Variants in CAPRIN2 observed in about 807,000 individuals in gnomAD.
CAPRIN2 encodes caprin-2.
In CAPRIN2, 66 loss-of-function variants were observed where a neutral mutation model predicts 130.4. That is an observed-to-expected ratio of 0.51 (90% CI 0.42 to 0.62). The LOEUF is 0.62. CAPRIN2 is among the 20% of genes least tolerant of loss of function. The pLI is 0.00. For missense variants in CAPRIN2, 1,185 were observed against 1,246.6 expected (o/e 0.95, Z 0.74); for synonymous variants, 471 against 444.1 (o/e 1.06, Z -0.76).
intron 9 of CAPRIN2, 101 bp from the exon 11 acceptor site, chr12:30,724,552 C>T: frequency 1.3e-6 from 1 of 772,076 alleles, no homozygotes; most frequent in Non-Finnish European, 2.2e-6. Flanking sequence ...CTATTAGCTA[C>T]ACATAAATAT....
At position 30,724,471 on chromosome 12, in the gene CAPRIN2, TAA is replaced by T. The variant is rs773088574; in HGVS notation, c.1906-22_1906-21del. ...AGACTCCTAAAGATATGATTTTAAA[TAA>T]AGAGTGGAAACAGAGATTACTCATT... is the stretch of plus-strand genomic sequence containing the variant. On this transcript the variant is annotated intron_variant, in intron 9 of 16. Transcript: ENST00000298892. The T allele has an allele frequency of 1.3e-6, 2 of 1,500,828 alleles. No homozygotes were observed. The highest frequency in any genetic ancestry group is 1.9e-6 in the Non-Finnish European group (2 of 1,076,742). 93.0% of individuals were successfully genotyped at this position (1,500,828 alleles called of 1,614,324 possible). A position where few individuals can be genotyped will look rare whatever the true frequency, so the allele number is the denominator to read the frequency against.
chr12:30,717,316 T>G (rs2057941175), intron 12 of CAPRIN2, among the ~76,000 whole-genome samples: 1 of 152,204 alleles, frequency 6.6e-6, no homozygotes, highest in Admixed American at 6.5e-5. Context: ...CAAAGTGCAG[T>G]AAGCCAGATA....
At chr12:30,743,900 T>C (rs1193638494) in intron 2 of CAPRIN2, among the ~76,000 whole-genome samples, 4 of 152,192 alleles carry the variant, frequency 2.6e-5, no homozygotes, top group East Asian at 1.9e-4. Flanking sequence ...GATATTTCTA[T>C]CGGCTAAACT....
In CAPRIN2 at chr12:30,725,997, G is replaced by A. The variant is rs142652709; in HGVS notation, c.1874C>T (p.Thr625Ile). 6 of 1,597,714 alleles carry A rather than the reference G, an allele frequency of 3.8e-6. No homozygotes were observed. In the African/African-American group the frequency reaches 4.0e-5, roughly 11 times the overall value. Residue 625 changes from threonine (T) to isoleucine (I), a missense_variant, in exon 9 of 17, where the codon ACT becomes ATT. Coordinates refer to ENST00000298892, the Ensembl canonical transcript of CAPRIN2. ...AAAGTTACAAGTTCCTTGAATCTGA[G>A]TCATCAGATCCTGCAGTTTTTCTTT...
chr12:30,714,902 T>C, intron 14 of CAPRIN2, 57 bp downstream of exon 16: 1 of 1,413,406 alleles, frequency 7.1e-7, no homozygotes, highest in Admixed American at 1.8e-5. Flanking sequence ...ATGGTGTGAG[T>C]CAAGTAAACA....
chr12:30,731,625 G>T, intron 5 of CAPRIN2, 115 bp from the exon 7 acceptor site: 1 of 785,248 alleles, frequency 1.3e-6, no homozygotes, highest in South Asian at 1.8e-5. Context: ...TTACATTGAT[G>T]TACATAGTAC....
chr12:30,726,069 T>C (rs763892398), exon 9 of CAPRIN2: 3 of 1,575,954 alleles, frequency 1.9e-6, no homozygotes, highest in Non-Finnish European at 2.6e-6. Flanking sequence ...ACCTACAGGC[T>C]GATGCACAGG....
chr12:30,731,606 T>C, intron 5 of CAPRIN2, 96 bp from the exon 7 acceptor site: 4 of 936,050 alleles, frequency 4.3e-6, no homozygotes, highest in Non-Finnish European at 6.5e-6. Flanking sequence ...AGTACATTGT[T>C]ACAATAGTTT....
In CAPRIN2 at chr12:30,718,556, T is replaced by A. The variant is rs191342299; in HGVS notation, c.2149-1880A>T. Among the ~76,000 whole-genome samples the A allele has an allele frequency of 8.5e-5, 13 of 152,322 alleles. No homozygotes were observed. The East Asian group carries it at 2.5e-3, about 29-fold the overall frequency. ...CAAACTAGCTGTAATATTATTTTTT[T>A]AAAAAGCCTTAATTGCAATTTGTAG... On this transcript the variant is annotated intron_variant, in intron 12 of 16. Coordinates refer to ENST00000298892, the Ensembl canonical transcript of CAPRIN2.
chr12:30,732,622 T>C (rs183941789), intron 5 of CAPRIN2, among the ~76,000 whole-genome samples: 4 of 152,096 alleles, frequency 2.6e-5, no homozygotes, highest in Non-Finnish European at 5.9e-5. Flanking sequence ...TAGAATTTCA[T>C]ATAAATGAAA....
chr12:30,745,809 A>C (rs987445726), intron 2 of CAPRIN2, among the ~76,000 whole-genome samples: 22 of 152,304 alleles, frequency 1.4e-4, no homozygotes, highest in African/African-American at 5.3e-4. Flanking sequence ...AGATAATTTA[A>C]GAGTAAACTA....
At position 30,731,334 on chromosome 12, in the gene CAPRIN2, A is replaced by C. The variant is rs1433246719; in HGVS notation, c.1060+9T>G. 6.2e-7 allele frequency: 1 copy of C among 1,608,948 alleles called. No homozygotes were observed. Among genetic ancestry groups the C allele is most frequent in the Admixed American group, 1.7e-5 (1 of 59,584 alleles). On this transcript the variant is annotated intron_variant, in intron 6 of 16. Coordinates refer to ENST00000298892, the Ensembl canonical transcript of CAPRIN2. ...ACCACTATAAGGATTTTCAGAGGTCACAACAAACCTGACTCTTTGACAGAT... is the reference window on the plus strand; with the variant it reads ...ACCACTATAAGGATTTTCAGAGGTCCCAACAAACCTGACTCTTTGACAGAT...
At position 30,749,150 on chromosome 12, in the gene CAPRIN2, C is replaced by T. The variant is rs1405475374; in HGVS notation, c.483+1921G>A. On this transcript the variant is annotated intron_variant, in intron 2 of 16. Coordinates refer to ENST00000298892, the Ensembl canonical transcript of CAPRIN2. ...AACATCCCAAGCAGTAGGAATATCA[C>T]GTGCAAAAAACCCTGCAGAAGTGTG... 2.6e-5 allele frequency among the ~76,000 whole-genome samples: 4 copies of T among 152,052 alleles called. No individual in the cohort carries two copies. The East Asian group carries it at 7.7e-4, about 29-fold the overall frequency.
intron 6 of CAPRIN2, among the ~76,000 whole-genome samples, chr12:30,730,654 C>T (rs2062368924): frequency 1.3e-5 from 2 of 152,142 alleles, no homozygotes; most frequent in South Asian, 4.2e-4. Context: ...AAATAGAGCC[C>T]TTAAAAACCT....
At chr12:30,751,909 ATTTTTTTTT>A (rs574883707) in intron 1 of CAPRIN2, among the ~76,000 whole-genome samples, 28,155 of 87,906 alleles carry the variant, frequency 0.32, 2,973 homozygotes, top group Middle Eastern at 0.38. Flanking sequence ...CCACTATGGT[ATTTTTTTTT>A]TTTTTTTTTT....
intron 1 of CAPRIN2, chr12:30,751,790 TTATCA>T (rs59981402): frequency 0.65 from 98,006 of 151,418 alleles, 32,835 homozygotes; most frequent in African/African-American, 0.82. Context: ...TTTTCTATCA[TTATCA>T]TAGAGTAGGC....
At position 30,710,309 on chromosome 12, in the gene CAPRIN2, G is replaced by A. The variant is rs1389763799; in HGVS notation, c.2827C>T (p.Pro943Ser). 6.2e-7 allele frequency: 1 copy of A among 1,614,180 alleles called. No individual in the cohort carries two copies. Among genetic ancestry groups the A allele is most frequent in the Admixed American group, 1.7e-5 (1 of 60,024 alleles). The change falls in exon 17 of 17, where the codon CCT becomes TCT. Residue 943 changes from proline (P) to serine (S), a missense_variant. Pro to Ser is a moderately conservative substitution (Grantham distance 74). Transcript: ENST00000298892. This position sits in a 1 kb window ranked among gnomAD's most constrained non-coding sequence, Gnocchi z 4.8. ...GAGAAGGCAACTCGCATCTGCTGAG[G>A]CAGAGGGTAGACGTGTACTGGCAGT...
intron 5 of CAPRIN2, 46 bp from the exon 7 acceptor site, chr12:30,731,556 A>G (rs1330678477): frequency 6.8e-7 from 1 of 1,477,736 alleles, no homozygotes; most frequent in Admixed American, 1.8e-5. Context: ...ACCTAATTGA[A>G]AATTACTGGG....
chr12:30,723,360 C>T (rs1565589190), intron 10 of CAPRIN2, 46 bp from the exon 12 acceptor site: 1 of 1,345,086 alleles, frequency 7.4e-7, no homozygotes, highest in Admixed American at 1.8e-5. Context: ...AAGACAAAAG[C>T]TTACGCATAT....
Sources: gnomAD v4.1 joint callset for allele counts (sites outside exome capture counted in the v4.1 genomes callset) on GRCh38, gnomAD v4.1.1 for gene constraint, Gnocchi (gnomAD v3.1) non-coding constraint, MANE v1.5 for transcripts, NCBI Gene and HGNC (gene_info 2026-07-23, HGNC 2026-07-21) for gene names.